The following FARP2 variants were observed in gnomAD, a reference collection of about 807,000 sequenced individuals.
FARP2 encodes the protein FERM, ARH/RhoGEF and pleckstrin domain protein 2, also known as FERM, ARHGEF and pleckstrin domain-containing protein 2.
FARP2 carries 111 observed loss-of-function variants against 130.5 expected under a neutral mutation model. The ratio of observed to expected loss-of-function variants is 0.85; its 90% CI spans 0.73 to 1.00. The LOEUF (loss-of-function observed/expected upper bound fraction) is 1.00. FARP2 is among the 50% of genes least tolerant of loss of function. The pLI, the probability that FARP2 is intolerant of heterozygous loss-of-function variation, is 0.00. For missense variants in FARP2, 1,385 were observed against 1,346.3 expected (o/e 1.03, Z -0.45); for synonymous variants, 504 against 516.9 (o/e 0.98, Z 0.34).
At chr2:241,406,418 T>TAG (rs1448663989) in intron 4 of FARP2, among the ~76,000 whole-genome samples, 28 of 121,954 alleles carry the variant, frequency 2.3e-4, no homozygotes, top group African/African-American at 9.9e-4. Context: ...TGTGTATATA[T>TAG]ATAGAGAGAG....
chr2:241,490,879 G>C (rs1009597669), intron 22 of FARP2, among the ~76,000 whole-genome samples, 182 bp from the exon 23 acceptor site: 7 of 152,282 alleles, frequency 4.6e-5, no homozygotes, highest in Admixed American at 2.0e-4. Context: ...GGCTGATGCA[G>C]GTCCCTCCCA....
rs1476819485 is a variant in FARP2 at position 241,406,164 on chromosome 2, G to A, written c.331+1323G>A. Among the ~76,000 whole-genome samples the A allele has an allele frequency of 3.3e-5, 5 of 150,876 alleles. No individual in the cohort carries two copies. The East Asian group carries it at 6.0e-4, about 18-fold the overall frequency. On this transcript the variant is annotated intron_variant, in intron 4 of 26. Transcript: ENST00000264042. ...TAAAAATATAAATTAGCCGGGTGTA[G>A]GGGCATGGTGGGGGGCGCCTGTAGT...
At position 241,482,249 on chromosome 2, in the gene FARP2, G is replaced by C. The variant is rs1443624404; in HGVS notation, c.2263-1216G>C. Among the ~76,000 whole-genome samples the C allele has an allele frequency of 6.6e-6, 1 of 152,224 alleles. No homozygotes were observed. Among genetic ancestry groups the C allele is most frequent in the South Asian group, 2.1e-4 (1 of 4,832 alleles). On this transcript the variant is annotated intron_variant, in intron 19 of 26. Coordinates refer to ENST00000264042, the MANE Select transcript of FARP2 (RefSeq NM_014808.4). This position sits in a 1 kb window ranked among gnomAD's most constrained non-coding sequence, Gnocchi z 4.6. ...AGCTTGGTCAAAGGCCCACGGTGCT[G>C]AGCCTCACAGCTGGCAGCGGGGCCA...
At chr2:241,370,360 T>C (rs2061398206) in intron 1 of FARP2, among the ~76,000 whole-genome samples, 1 of 152,170 alleles carries the variant, frequency 6.6e-6, no homozygotes, top group African/African-American at 2.4e-5. Context: ...TTCTGAAAAT[T>C]GCTAAGATAC....
intron 17 of FARP2, chr2:241,466,729 C>A: frequency 2.4e-6 from 1 of 417,174 alleles, no homozygotes; most frequent in Non-Finnish European, 3.1e-6. Context: ...CTCCTAGGGG[C>A]TTCCAGAGCT....
chr2:241,384,540 TC>T (rs2061740380), intron 2 of FARP2, among the ~76,000 whole-genome samples: 1 of 152,214 alleles, frequency 6.6e-6, no homozygotes, highest in African/African-American at 2.4e-5. Context: ...AAAATATATT[TC>T]TTTGAAATAA....
At chr2:241,401,444 A>C (rs980603925) in intron 2 of FARP2, among the ~76,000 whole-genome samples, 18 of 152,228 alleles carry the variant, frequency 1.2e-4, no homozygotes, top group African/African-American at 3.9e-4. Flanking sequence ...ATTACATATA[A>C]ATGTATCCAT....
intron 13 of FARP2, among the ~76,000 whole-genome samples, chr2:241,456,220 G>A (rs2063832600): frequency 6.6e-6 from 1 of 152,122 alleles, no homozygotes. Context: ...TCAAGGAACT[G>A]GAAAACAGTA....
intron 2 of FARP2, among the ~76,000 whole-genome samples, chr2:241,375,092 G>A (rs550654585): frequency 1.1e-3 from 169 of 152,142 alleles, no homozygotes; most frequent in African/African-American, 3.8e-3. Context: ...GACTACAGGC[G>A]CCCGCCACCA....
At chr2:241,451,605 A>G (rs1266550396) in intron 13 of FARP2, among the ~76,000 whole-genome samples, 11 of 152,170 alleles carry the variant, frequency 7.2e-5, no homozygotes. Context: ...AGCAAGACTG[A>G]TTCTTACTGG....
intron 1 of FARP2, among the ~76,000 whole-genome samples, chr2:241,365,480 A>G (rs1200385662): frequency 5.9e-5 from 9 of 152,222 alleles, no homozygotes; most frequent in Admixed American, 3.9e-4. Flanking sequence ...TATTTCTCTG[A>G]TCTGTAAATA....
At chr2:241,401,789 T>C (rs1194783640) in intron 2 of FARP2, among the ~76,000 whole-genome samples, 3 of 140,884 alleles carry the variant, frequency 2.1e-5, no homozygotes, top group Non-Finnish European at 4.5e-5. Context: ...TTTTACCAAT[T>C]CTTTTTTTTT....
Position 241,413,370 on chromosome 2 carries a change from C to T in FARP2, c.572C>T (p.Pro191Leu), listed in dbSNP as rs148530431. 33 of 1,612,600 alleles carry T rather than the reference C, an allele frequency of 2.0e-5. No homozygotes were observed. The African/African-American group carries it at 4.3e-4, about 21-fold the overall frequency. The change falls in exon 7 of 27, where the codon CCT becomes CTT. Residue 191 changes from proline to leucine, a missense_variant. Coordinates refer to ENST00000264042, the MANE Select transcript of FARP2 (RefSeq NM_014808.4). ...REHLKVNEYL[P>L]GQQHCLEKIL... Reference sequence around the variant, plus strand: ...CACCTCAAAGTGAACGAGTATTTGCCTGGCCAGCAGCACTGCCTTGAGAAG... The same window carrying T: ...CACCTCAAAGTGAACGAGTATTTGCTTGGCCAGCAGCACTGCCTTGAGAAG...
chr2:241,389,898 A>T (rs529247737), intron 2 of FARP2, among the ~76,000 whole-genome samples: 5 of 152,182 alleles, frequency 3.3e-5, no homozygotes, highest in Non-Finnish European at 5.9e-5. Flanking sequence ...ACTCATTGAA[A>T]TGTAAAGTTC....
chr2:241,418,387 G>GC (rs1483699568), intron 8 of FARP2, among the ~76,000 whole-genome samples: 3 of 152,020 alleles, frequency 2.0e-5, no homozygotes, highest in Admixed American at 6.6e-5. Context: ...ACTGCCTCCT[G>GC]CCCCCCAGGG....
intron 13 of FARP2, among the ~76,000 whole-genome samples, chr2:241,456,206 A>G (rs1453810102): frequency 6.6e-6 from 1 of 152,208 alleles, no homozygotes; most frequent in African/African-American, 2.4e-5. Context: ...CATTAATGAA[A>G]AACTCAAGGA....
At chr2:241,395,835 TG>T (rs2062017444) in intron 2 of FARP2, 1 of 152,194 alleles carries the variant, frequency 6.6e-6, no homozygotes, top group Non-Finnish European at 1.5e-5. Context: ...TAATTTCAGT[TG>T]AAGTATCAGG....
chr2:241,484,073 C>G (rs2124888342), intron 20 of FARP2, 169 bp from the exon 21 acceptor site: 1 of 1,406,968 alleles, frequency 7.1e-7, no homozygotes, highest in Non-Finnish European at 9.3e-7. Flanking sequence ...TTTCCTGCCT[C>G]TGGTCAAAAA....
intron 1 of FARP2, among the ~76,000 whole-genome samples, chr2:241,363,279 A>G (rs533969486): frequency 6.6e-6 from 1 of 152,338 alleles, no homozygotes; most frequent in South Asian, 2.1e-4. Flanking sequence ...TCCTCCACTC[A>G]GCCCTGCAGT....
Sources: gnomAD v4.1 joint callset for allele counts (sites outside exome capture counted in the v4.1 genomes callset) on GRCh38, gnomAD v4.1.1 for gene constraint, Gnocchi (gnomAD v3.1) non-coding constraint, MANE v1.5 for transcripts, NCBI Gene and HGNC (gene_info 2026-07-23, HGNC 2026-07-21) for gene names.